Variants in IQGAP2 observed in about 807,000 individuals in gnomAD.
The protein encoded by IQGAP2 is ras GTPase-activating-like protein IQGAP2.
Under a neutral mutation model 201.3 loss-of-function variants are expected in IQGAP2, and 173 were observed. That is an observed-to-expected ratio of 0.86 (90% CI 0.76 to 0.98). The LOEUF (loss-of-function observed/expected upper bound fraction) is 0.98, where lower values mean the gene tolerates loss of function less well. Among genes scored for constraint, IQGAP2 ranks in the 50% least tolerant of loss-of-function variants. The pLI, the probability that IQGAP2 is intolerant of heterozygous loss-of-function variation, is 0.00. For synonymous variants in IQGAP2, 675 were observed against 673.9 expected (o/e 1.00, Z -0.03); for missense variants, 1,687 against 1,864.8 (o/e 0.90, Z 1.76).
At chr5:76,509,027 ATATG>A (rs892065669) in intron 2 of IQGAP2, among the ~76,000 whole-genome samples, 2 of 83,708 alleles carry the variant, frequency 2.4e-5, no homozygotes, top group African/African-American at 1.0e-4. Flanking sequence ...GGCTGTATAT[ATATG>A]TGTGTGTGTG....
intron 1 of IQGAP2, among the ~76,000 whole-genome samples, chr5:76,429,582 TTATATATA>T (rs70982604): frequency 8.3e-6 from 1 of 120,714 alleles, no homozygotes; most frequent in Non-Finnish European, 1.9e-5. Context: ...AAAAAAAAAT[TTATATATA>T]TATATATGTA....
chr5:76,477,633 T>C (rs1446886355), intron 2 of IQGAP2, among the ~76,000 whole-genome samples: 1 of 152,206 alleles, frequency 6.6e-6, no homozygotes, highest in Non-Finnish European at 1.5e-5. Flanking sequence ...TTTTATGTTA[T>C]TTTTAGAGTG....
At position 76,595,543 on chromosome 5, in the gene IQGAP2, C is replaced by T. The variant is rs139635997; in HGVS notation, c.908-1896C>T. On this transcript the variant is annotated intron_variant, in intron 9 of 35. Transcript: ENST00000274364. Reference sequence around the variant, plus strand: ...GGAGGCTGAGGTGGGAGGATGACTTCAGGCCAGGAGTTCAAGACCAGCCTG... The same window carrying T: ...GGAGGCTGAGGTGGGAGGATGACTTTAGGCCAGGAGTTCAAGACCAGCCTG... Among the ~76,000 whole-genome samples, 581 of 151,712 alleles carry T rather than the reference C, an allele frequency of 3.8e-3. 7 individuals carry two copies. Among genetic ancestry groups the T allele is most frequent in the African/African-American group, 0.014 (563 of 41,338 alleles).
intron 2 of IQGAP2, among the ~76,000 whole-genome samples, chr5:76,527,736 A>G (rs1294420228): frequency 1.3e-5 from 2 of 152,234 alleles, no homozygotes; most frequent in African/African-American, 4.8e-5. Context: ...TATGAATGGT[A>G]AGCATTCTTG....
intron 2 of IQGAP2, among the ~76,000 whole-genome samples, chr5:76,527,431 C>A (rs1759037830): frequency 6.6e-6 from 1 of 152,140 alleles, no homozygotes; most frequent in Admixed American, 6.5e-5. Context: ...TCAGTGCCCC[C>A]CATAGACCTC....
chr5:76,477,367 G>A (rs1360404381), intron 2 of IQGAP2, among the ~76,000 whole-genome samples: 1 of 152,060 alleles, frequency 6.6e-6, no homozygotes, highest in East Asian at 1.9e-4. Context: ...AAACATTACA[G>A]CCGCATTTGA....
intron 2 of IQGAP2, among the ~76,000 whole-genome samples, chr5:76,505,143 G>A (rs762272928): frequency 4.6e-5 from 7 of 152,190 alleles, no homozygotes; most frequent in Non-Finnish European, 7.3e-5. Flanking sequence ...ACAGCAATAA[G>A]GGCTTTGTCT....
chr5:76,487,253 C>T (rs1250523793), intron 2 of IQGAP2, among the ~76,000 whole-genome samples: 1 of 152,090 alleles, frequency 6.6e-6, no homozygotes, highest in Non-Finnish European at 1.5e-5. Flanking sequence ...TGCCCACCAC[C>T]ACGCCCAGCT....
At chr5:76,599,547 A>G (rs533259731) in intron 10 of IQGAP2, among the ~76,000 whole-genome samples, 25 of 152,178 alleles carry the variant, frequency 1.6e-4, no homozygotes, top group Non-Finnish European at 3.2e-4. Flanking sequence ...CTGCTCTTAT[A>G]ATTTGATACT....
In IQGAP2 at chr5:76,611,202, G is replaced by C; in HGVS notation, c.1521+19G>C. 2.5e-6 allele frequency: 4 copies of C among 1,588,018 alleles called. No individual in the cohort carries two copies. The highest frequency in any genetic ancestry group is 3.4e-6 in the Non-Finnish European group (4 of 1,165,750). On this transcript the variant is annotated intron_variant, in intron 13 of 35. Coordinates refer to ENST00000274364, the MANE Select transcript of IQGAP2 (RefSeq NM_006633.5). ...ACTCGGAGTAAGTTTTAGTATATCT[G>C]TTTCTTTTAAATTTTACAGGCTGGG...
intron 20 of IQGAP2, among the ~76,000 whole-genome samples, chr5:76,656,656 T>C (rs1407847540): frequency 2.6e-5 from 4 of 152,152 alleles, no homozygotes; most frequent in Admixed American, 1.3e-4. Flanking sequence ...TAAGCAGTTA[T>C]AGTGATGTTT....
At chr5:76,667,169 A>G (rs1743855051) in intron 22 of IQGAP2, among the ~76,000 whole-genome samples, 1 of 140,772 alleles carries the variant, frequency 7.1e-6, no homozygotes, top group African/African-American at 2.6e-5. Context: ...GTGAGTAGGC[A>G]TCTTTCTTTA....
intron 2 of IQGAP2, among the ~76,000 whole-genome samples, chr5:76,478,118 G>A (rs186446046): frequency 1.6e-3 from 251 of 152,308 alleles, no homozygotes; most frequent in Middle Eastern, 3.4e-3. Flanking sequence ...AGGCTGGAGT[G>A]CAATGGTGTG....
intron 2 of IQGAP2, among the ~76,000 whole-genome samples, chr5:76,509,029 ATGTGTGTG>A (rs70982616): frequency 0.4 from 58,815 of 148,822 alleles, 11,975 homozygotes; most frequent in African/African-American, 0.44. Flanking sequence ...CTGTATATAT[ATGTGTGTG>A]TGTGTGTGTG....
At position 76,674,498 on chromosome 5, in the gene IQGAP2, T is replaced by C; in HGVS notation, c.3316T>C (p.Tyr1106His). The C allele has an allele frequency of 6.2e-7, 1 of 1,613,106 alleles. No individual in the cohort carries two copies. Among genetic ancestry groups the C allele is most frequent in the Non-Finnish European group, 8.5e-7 (1 of 1,179,066 alleles). Reference protein sequence around the residue: ...LLKIVGNLLYYRYMNPAIVAP... With the variant: ...LLKIVGNLLYHRYMNPAIVAP... ...CCAGATTGTTGGAAACCTCCTGTAC[T>C]ATCGGTACATGAATCCAGCCATTGT... Residue 1106 changes from tyrosine (Y) to histidine (H), a missense_variant, in exon 27 of 36, where the codon TAT becomes CAT. Tyr to His is a moderately conservative substitution (Grantham distance 83, BLOSUM62 2). Coordinates refer to ENST00000274364, the MANE Select transcript of IQGAP2 (RefSeq NM_006633.5).
Position 76,461,572 on chromosome 5 carries a change from A to G in IQGAP2, c.49A>G (p.Ile17Val), listed in dbSNP as rs1394726461. Reference protein sequence around the residue: ...PSLQRPRYGSIVDDERLSAEE... With the variant: ...PSLQRPRYGSVVDDERLSAEE... ...ATGTTGTTATCCTCTATTTCTAGCTATTGTGGACGATGAAAGGCTCTCTGC... is the reference window on the plus strand; with the variant it reads ...ATGTTGTTATCCTCTATTTCTAGCTGTTGTGGACGATGAAAGGCTCTCTGC... Residue 17 changes from isoleucine (I) to valine (V), a missense_variant and splice_region_variant, in exon 2 of 36, where the codon ATT becomes GTT. By Grantham distance (29) the Ile-to-Val change is conservative (BLOSUM62 3). Coordinates refer to ENST00000274364, the MANE Select transcript of IQGAP2 (RefSeq NM_006633.5). 2.5e-6 allele frequency: 4 copies of G among 1,609,084 alleles called. No homozygotes were observed. The highest frequency in any genetic ancestry group is 1.3e-5 in the African/African-American group (1 of 74,736).
chr5:76,442,711 G>A (rs993192497), intron 1 of IQGAP2, among the ~76,000 whole-genome samples: 1 of 152,178 alleles, frequency 6.6e-6, no homozygotes, highest in Non-Finnish European at 1.5e-5. Context: ...AACAGGCTGG[G>A]CACAGTGGTT....
At position 76,468,293 on chromosome 5, in the gene IQGAP2, C is replaced by T. The variant is rs1411397753; in HGVS notation, c.146+6624C>T. ...GTTTTACAGATATTTATTGAGCATC[C>T]TTTATGTGTAAACAAGCCTAGGAGG... is the stretch of plus-strand genomic sequence containing the variant. On this transcript the variant is annotated intron_variant, in intron 2 of 35. Coordinates refer to ENST00000274364, the MANE Select transcript of IQGAP2 (RefSeq NM_006633.5). Among the ~76,000 whole-genome samples the T allele has an allele frequency of 4.6e-5, 7 of 152,168 alleles. No homozygotes were observed. The South Asian group carries it at 1.5e-3, about 32-fold the overall frequency.
chr5:76,456,451 C>T (rs1015970763), intron 1 of IQGAP2, among the ~76,000 whole-genome samples: 1 of 152,156 alleles, frequency 6.6e-6, no homozygotes, highest in Non-Finnish European at 1.5e-5. Context: ...GAATGTACCA[C>T]GGGTCAAATT....
Sources: allele counts gnomAD v4.1 joint callset (sites outside exome capture counted in the v4.1 genomes callset), GRCh38; gene constraint gnomAD v4.1.1; transcripts MANE v1.5; gene names NCBI Gene and HGNC (gene_info 2026-07-23, HGNC 2026-07-21).